Variants in CELF2 observed in about 807,000 individuals in gnomAD.
CELF2 encodes CUG triplet repeat RNA-binding protein 2.
CELF2 carries 8 observed loss-of-function variants against 62.6 expected under a neutral mutation model. The ratio of observed to expected loss-of-function variants is 0.13; its 90% confidence interval spans 0.07 to 0.23. The LOEUF is 0.23. Among genes scored for constraint, CELF2 ranks in the 10% least tolerant of loss-of-function variants. CELF2 has a pLI of 1.00. For missense variants in CELF2, 333 were observed against 671.0 expected, an observed-to-expected ratio of 0.50 and a Z score of 5.56; for synonymous variants, 258 against 250.0, an observed-to-expected ratio of 1.03 and a Z score of -0.30.
the CELF2 span, among the ~76,000 whole-genome samples, chr10:10,698,289 G>A: frequency 2.0e-5 from 3 of 152,190 alleles, no homozygotes; most frequent in East Asian, 3.9e-4. Flanking sequence ...CAGATTGGTA[G>A]AAGAGTCCCA....
chr10:10,838,759 C>T (rs1254665695), intron 1 of CELF2, among the ~76,000 whole-genome samples: 1 of 152,070 alleles, frequency 6.6e-6, no homozygotes, highest in Non-Finnish European at 1.5e-5. Context: ...CTTACCTGCT[C>T]AAAAACAAGA....
rs2132733164 is a variant in CELF2 at position 11,328,421 on chromosome 10, A to C, written c.1439-505A>C. On this transcript the variant is annotated intron_variant, in intron 12 of 12. Transcript: ENST00000633077. The surrounding 1 kb of genome is among the most constrained non-coding windows in gnomAD (Gnocchi z 6.4). ...ACAGACGATGGAGAGCTCGAGTGAC[A>C]GGCTGGGGCTTGGCAGTATCTGCTG... is the stretch of plus-strand genomic sequence containing the variant. Among the ~76,000 whole-genome samples the C allele has an allele frequency of 6.6e-6, 1 of 152,326 alleles. No individual in the cohort carries two copies. Among genetic ancestry groups the C allele is most frequent in the South Asian group, 2.1e-4 (1 of 4,826 alleles).
chr10:10,524,573 G>A, the CELF2 span, among the ~76,000 whole-genome samples: 1 of 151,852 alleles, frequency 6.6e-6, no homozygotes, highest in Non-Finnish European at 1.5e-5. Flanking sequence ...CTTGAAAGGA[G>A]AGTTCACTTT....
At chr10:11,173,278 G>T (rs143172707) in intron 2 of CELF2, among the ~76,000 whole-genome samples, 2 of 152,300 alleles carry the variant, frequency 1.3e-5, no homozygotes, top group African/African-American at 4.8e-5. Flanking sequence ...ACAGGGTGAC[G>T]CTGTTAGTTA....
At chr10:11,155,278 G>C (rs759216348) in intron 1 of CELF2, among the ~76,000 whole-genome samples, 1 of 152,202 alleles carries the variant, frequency 6.6e-6, no homozygotes, top group Non-Finnish European at 1.5e-5. Flanking sequence ...CTGTGCTGCC[G>C]TCCTTGGGAA....
At chr10:11,240,905 G>C (rs1403534622) in intron 3 of CELF2, among the ~76,000 whole-genome samples, 1 of 152,152 alleles carries the variant, frequency 6.6e-6, no homozygotes, top group Non-Finnish European at 1.5e-5. Flanking sequence ...GCGTGGGGTA[G>C]AGGCCTCAGG....
At chr10:11,168,359 G>A (rs946736510) in intron 2 of CELF2, among the ~76,000 whole-genome samples, 2 of 152,166 alleles carry the variant, frequency 1.3e-5, no homozygotes. Flanking sequence ...TGTTGTGAAG[G>A]TATTTGTTGT....
At chr10:11,007,771 G>C (rs1313590065) in intron 1 of CELF2, among the ~76,000 whole-genome samples, 3 of 152,150 alleles carry the variant, frequency 2.0e-5, no homozygotes, top group African/African-American at 7.2e-5. Flanking sequence ...TGTGTGGGTT[G>C]GGAGGAAAGT....
intron 11 of CELF2, among the ~76,000 whole-genome samples, chr10:11,323,324 C>T (rs1005384516): frequency 5.3e-5 from 8 of 151,888 alleles, no homozygotes; most frequent in Non-Finnish European, 1.5e-5. Flanking sequence ...CTTCTGATCC[C>T]TTTCTCACCC....
chr10:10,946,292 T>C (rs1328279377), intron 2 of CELF2: 1 of 152,262 alleles, frequency 6.6e-6, no homozygotes, highest in East Asian at 1.9e-4. Flanking sequence ...GAGGACCAAT[T>C]TGGGGAATTT....
At position 11,306,693 on chromosome 10, in the gene CELF2, A is replaced by G. The variant is rs2094235852; in HGVS notation, c.977-7446A>G. On this transcript the variant is annotated intron_variant, in intron 9 of 12. Coordinates refer to ENST00000633077, the MANE Select transcript of CELF2 (RefSeq NM_001326342.2). This position sits in a 1 kb window ranked among gnomAD's most constrained non-coding sequence, Gnocchi z 4.4. ...AGTGCACAGGGAGTCTTTCCACTTT[A>G]AGGCAAGTCATCTAGTTAATTTTTC... Among the ~76,000 whole-genome samples the G allele has an allele frequency of 6.6e-6, 1 of 152,148 alleles. No homozygotes were observed. The highest frequency in any genetic ancestry group is 2.4e-5 in the African/African-American group (1 of 41,420).
At chr10:11,050,446 T>G (rs920921893) in intron 1 of CELF2, among the ~76,000 whole-genome samples, 1 of 152,212 alleles carries the variant, frequency 6.6e-6, no homozygotes, top group African/African-American at 2.4e-5. Context: ...AGAAGACATT[T>G]GTATTATTGG....
chr10:10,568,594 C>T, the CELF2 span, among the ~76,000 whole-genome samples: 1 of 152,160 alleles, frequency 6.6e-6, no homozygotes, highest in Non-Finnish European at 1.5e-5. Context: ...CTGAAGTTGA[C>T]TTTGCCTACA....
chr10:11,233,640 G>T (rs752551204), intron 3 of CELF2, among the ~76,000 whole-genome samples: 34 of 152,162 alleles, frequency 2.2e-4, no homozygotes, highest in Non-Finnish European at 1.9e-4. Context: ...GTGAATTGGT[G>T]GGTCAGCCAA....
At chr10:11,249,608 T>C (rs961770143) in intron 4 of CELF2, among the ~76,000 whole-genome samples, 1 of 152,086 alleles carries the variant, frequency 6.6e-6, no homozygotes, top group Non-Finnish European at 1.5e-5. Context: ...GGGAGGGGCG[T>C]TGGTTTTTGT....
chr10:10,590,273 A>C, the CELF2 span, among the ~76,000 whole-genome samples: 9,850 of 152,280 alleles, frequency 0.065, 544 homozygotes, highest in East Asian at 0.27. Flanking sequence ...TGGGGTCAAG[A>C]AAAGATTGGC....
At chr10:11,062,744 TA>T (rs1180413155) in intron 1 of CELF2, among the ~76,000 whole-genome samples, 3 of 152,212 alleles carry the variant, frequency 2.0e-5, no homozygotes, top group Non-Finnish European at 2.9e-5. Context: ...AAAGGATTCA[TA>T]ATATTCCATA....
the CELF2 span, among the ~76,000 whole-genome samples, chr10:10,633,061 G>A: frequency 4.6e-5 from 7 of 152,022 alleles, no homozygotes; most frequent in Admixed American, 2.0e-4. Flanking sequence ...CTCTTGATGG[G>A]CATTGAAGTT....
chr10:10,767,868 C>T, the CELF2 span, among the ~76,000 whole-genome samples: 10 of 140,138 alleles, frequency 7.1e-5, no homozygotes, highest in Non-Finnish European at 1.4e-4. Flanking sequence ...TGGTGGCGGG[C>T]GCCTGTAGTC....
Sources: allele counts gnomAD v4.1 joint callset (sites outside exome capture counted in the v4.1 genomes callset), GRCh38; gene constraint gnomAD v4.1.1; non-coding constraint Gnocchi (gnomAD v3.1); transcripts MANE v1.5; gene names NCBI Gene and HGNC (gene_info 2026-07-23, HGNC 2026-07-21).